The following ASTN2 variants were observed in gnomAD, a reference collection of about 807,000 sequenced individuals.
ASTN2 encodes the protein astrotactin-2.
Under a neutral mutation model 139.8 loss-of-function variants are expected in ASTN2, and 54 were observed. That is an observed-to-expected ratio of 0.39 (90% CI 0.31 to 0.48). The LOEUF (loss-of-function observed/expected upper bound fraction) is 0.48. Among genes scored for constraint, ASTN2 ranks in the 20% least tolerant of loss-of-function variants. The pLI is 0.95. For synonymous variants in ASTN2, 756 were observed against 719.5 expected (o/e 1.05, Z -0.81); for missense variants, 1,565 against 1,725.1 (o/e 0.91, Z 1.64).
intron 4 of ASTN2, among the ~76,000 whole-genome samples, chr9:117,131,488 G>A (rs576029472): frequency 7.9e-4 from 120 of 152,224 alleles, no homozygotes; most frequent in Non-Finnish European, 3.2e-4. Context: ...CATCTTTTGT[G>A]GGGAAAATTT....
At chr9:116,729,122 G>T in intron 14 of ASTN2, 26 bp from the exon 15 acceptor site, 1 of 1,530,100 alleles carries the variant, frequency 6.5e-7, no homozygotes, top group South Asian at 1.2e-5. Flanking sequence ...AGATGGTCAC[G>T]TGAGCCCAGA....
intron 4 of ASTN2, among the ~76,000 whole-genome samples, chr9:117,109,050 C>T (rs1587972880): frequency 1.3e-5 from 2 of 151,990 alleles, no homozygotes; most frequent in East Asian, 1.9e-4. Flanking sequence ...TTTGGGAGGC[C>T]GAGGTGGGCG....
At chr9:116,461,454 T>C (rs1423773676) in intron 20 of ASTN2, among the ~76,000 whole-genome samples, 2 of 152,134 alleles carry the variant, frequency 1.3e-5, no homozygotes, top group Non-Finnish European at 2.9e-5. Context: ...AGGTGTATAC[T>C]TGTTTATATG....
At chr9:116,933,700 T>C (rs1834977537) in intron 10 of ASTN2, among the ~76,000 whole-genome samples, 1 of 151,546 alleles carries the variant, frequency 6.6e-6, no homozygotes, top group African/African-American at 2.4e-5. Context: ...AACACTACCA[T>C]TTAAATGGAA....
chr9:116,981,064 G>T (rs1743978772), intron 7 of ASTN2, among the ~76,000 whole-genome samples: 1 of 152,126 alleles, frequency 6.6e-6, no homozygotes, highest in South Asian at 2.1e-4. Flanking sequence ...GTACAGAGTA[G>T]GGATTCAGTA....
chr9:117,414,597 G>T lies in ASTN2; in HGVS notation c.342C>A (p.Ala114=), dbSNP rs147908988. Residue 114 remains alanine (A), a synonymous_variant, in exon 1 of 23, where the codon GCC becomes GCA. Coordinates refer to ENST00000313400, the MANE Select transcript of ASTN2 (RefSeq NM_001365068.1). The surrounding 1 kb of genome is among the most constrained non-coding windows in gnomAD (Gnocchi z 4.2). The part of the protein sequence containing the change: ...SPGSPGSAGT[A]AESRLLLFVR... ...CAAAGAGCAGGAGGCGCGACTCGGC[G>T]GCGGTGCCGGCAGAGCCAGGAGAGC... The T allele has an allele frequency of 1.6e-3, 2,568 of 1,574,000 alleles. 44 individuals are homozygous for T. The African/African-American group carries it at 0.032, about 20-fold the overall frequency.
rs140059042 is a variant in ASTN2, at chr9:116,698,940, C to T, written c.2806+26831G>A. On this transcript the variant is annotated intron_variant, in intron 16 of 22. Coordinates refer to ENST00000313400, the MANE Select transcript of ASTN2 (RefSeq NM_001365068.1). This position sits in a 1 kb window ranked among gnomAD's most constrained non-coding sequence, Gnocchi z 4.4. The stretch of plus-strand genomic sequence containing the variant: ...TAACTATCGTATACAAGTCTTTACC[C>T]GCAAAGGCTTTTTGAAGGAAATCCG... The T allele has an allele frequency of 3.9e-5, 63 of 1,614,050 alleles. No individual in the cohort carries two copies. The highest frequency in any genetic ancestry group is 4.7e-5 in the Non-Finnish European group (56 of 1,180,036).
intron 1 of ASTN2, among the ~76,000 whole-genome samples, chr9:117,377,066 G>A (rs1180434533): frequency 6.6e-6 from 1 of 152,208 alleles, no homozygotes; most frequent in Non-Finnish European, 1.5e-5. Context: ...ACCAAGAGGG[G>A]ATAAATGCAA....
chr9:116,521,868 A>G (rs945729625), intron 19 of ASTN2, among the ~76,000 whole-genome samples: 10 of 152,114 alleles, frequency 6.6e-5, no homozygotes, highest in South Asian at 2.1e-4. Context: ...TGAGTAGACA[A>G]TTCTCAAAAG....
chr9:117,348,333 C>T (rs1202900658), intron 1 of ASTN2, among the ~76,000 whole-genome samples: 1 of 152,200 alleles, frequency 6.6e-6, no homozygotes, highest in Non-Finnish European at 1.5e-5. Context: ...TCTCTTTTAA[C>T]TCTACCGATA....
chr9:117,323,710 C>T (rs1175604450), intron 1 of ASTN2, among the ~76,000 whole-genome samples: 1 of 152,136 alleles, frequency 6.6e-6, no homozygotes, highest in African/African-American at 2.4e-5. Context: ...ATTCACCCTC[C>T]TTCTAATACT....
At chr9:117,020,173 C>G (rs1450363573) in intron 6 of ASTN2, among the ~76,000 whole-genome samples, 1 of 151,986 alleles carries the variant, frequency 6.6e-6, no homozygotes, top group Admixed American at 6.6e-5. Context: ...TCATTTACAC[C>G]TATATTACCT....
chr9:116,789,770 T>C (rs897997030), intron 13 of ASTN2, among the ~76,000 whole-genome samples: 1 of 152,156 alleles, frequency 6.6e-6, no homozygotes, highest in African/African-American at 2.4e-5. Flanking sequence ...CAAATTTGCA[T>C]CTCACATGAT....
chr9:116,850,608 T>G (rs757881424), intron 11 of ASTN2, among the ~76,000 whole-genome samples: 12 of 152,208 alleles, frequency 7.9e-5, no homozygotes, highest in Non-Finnish European at 1.0e-4. Flanking sequence ...GCTAGGGTGT[T>G]ATCAAGATTC....
At chr9:116,683,211 G>C (rs978206201) in intron 16 of ASTN2, among the ~76,000 whole-genome samples, 1 of 151,942 alleles carries the variant, frequency 6.6e-6, no homozygotes, top group African/African-American at 2.4e-5. Context: ...AAACTCTGGA[G>C]ACTGTGATAT....
intron 17 of ASTN2, among the ~76,000 whole-genome samples, chr9:116,631,270 G>A (rs765424911): frequency 1.3e-5 from 2 of 152,142 alleles, no homozygotes; most frequent in African/African-American, 4.8e-5. Context: ...CCTGTGTCCT[G>A]TTTATTGCAG....
chr9:116,838,101 G>GTT (rs752512675), intron 11 of ASTN2, among the ~76,000 whole-genome samples: 12,424 of 131,466 alleles, frequency 0.095, 1,053 homozygotes, highest in East Asian at 0.24. Flanking sequence ...GCCTGGCTGT[G>GTT]TTTTTTTTTG....
At chr9:116,832,890 T>C (rs1831859287) in intron 11 of ASTN2, among the ~76,000 whole-genome samples, 1 of 152,064 alleles carries the variant, frequency 6.6e-6, no homozygotes, top group African/African-American at 2.4e-5. Context: ...TAAAATGATT[T>C]GGGAAGTATT....
chr9:116,908,235 T>C (rs1834218949), intron 10 of ASTN2, among the ~76,000 whole-genome samples: 1 of 152,124 alleles, frequency 6.6e-6, no homozygotes, highest in South Asian at 2.1e-4. Context: ...AAGACTAAAA[T>C]AGACTTTAGG....
Sources: gnomAD v4.1 joint callset for allele counts (sites outside exome capture counted in the v4.1 genomes callset) on GRCh38, gnomAD v4.1.1 for gene constraint, Gnocchi (gnomAD v3.1) non-coding constraint, MANE v1.5 for transcripts, NCBI Gene and HGNC (gene_info 2026-07-23, HGNC 2026-07-21) for gene names.